Variants in ZZZ3 observed in about 807,000 individuals in gnomAD.
ZZZ3 encodes ZZ-type zinc finger-containing protein 3.
A neutral mutation model predicts 95.2 loss-of-function variants in ZZZ3; 22 were observed. The observed-to-expected ratio is 0.23, with a 90% CI of 0.17 to 0.33. The LOEUF (loss-of-function observed/expected upper bound fraction) is 0.33. Ranked by LOEUF, ZZZ3 falls within the 10% of genes least tolerant of loss-of-function variation. ZZZ3 has a pLI of 1.00. For synonymous variants in ZZZ3, 335 were observed against 358.9 expected (o/e 0.93, Z 0.75); for missense variants, 885 against 1,066.5 (o/e 0.83, Z 2.37).
Position 77,563,454 on chromosome 1 carries a change from TTCTGC to T in ZZZ3, c.*2181_*2185del. The T allele has an allele frequency of 6.6e-6, 1 of 152,310 alleles. No homozygotes were observed. The highest frequency in any genetic ancestry group is 1.5e-5 in the Non-Finnish European group (1 of 68,022). 9.4% of individuals were successfully genotyped at this position (152,310 alleles called of 1,614,324 possible). A position where few individuals can be genotyped will look rare whatever the true frequency, so the allele number is the denominator to read the frequency against. On this transcript the variant is annotated 3_prime_UTR_variant, in exon 15 of 15. Transcript: ENST00000370801. Reference sequence around the variant, plus strand: ...CTGAAAAATGCAAAACAAACACATCTTCTGCTCAAGCCGAAAAATCTTCTTAACTC... The same window carrying T: ...CTGAAAAATGCAAAACAAACACATCTTCAAGCCGAAAAATCTTCTTAACTC...
chr1:77,661,473 T>C (rs540456818), intron 1 of ZZZ3, among the ~76,000 whole-genome samples: 18 of 152,144 alleles, frequency 1.2e-4, no homozygotes, highest in African/African-American at 4.1e-4. Flanking sequence ...AAATTTCCAA[T>C]GCAATGACTA....
chr1:77,646,777 T>C (rs1669313132), intron 1 of ZZZ3, among the ~76,000 whole-genome samples: 1 of 152,192 alleles, frequency 6.6e-6, no homozygotes, highest in Non-Finnish European at 1.5e-5. Context: ...AAGCCTACAA[T>C]TGTCCCCAGT....
chr1:77,682,335 C>G (rs1197411262), intron 1 of ZZZ3, among the ~76,000 whole-genome samples: 3 of 152,220 alleles, frequency 2.0e-5, no homozygotes, highest in Admixed American at 2.0e-4. Flanking sequence ...ATGGAATCAT[C>G]AGGTCTGCGC....
intron 5 of ZZZ3, among the ~76,000 whole-genome samples, chr1:77,621,831 A>G (rs962458214): frequency 6.6e-6 from 1 of 152,094 alleles, no homozygotes; most frequent in Non-Finnish European, 1.5e-5. Context: ...AAATATAAAT[A>G]TAATAACGAT....
chr1:77,616,592 C>T (rs1171944394), intron 5 of ZZZ3, among the ~76,000 whole-genome samples: 2 of 152,150 alleles, frequency 1.3e-5, no homozygotes, highest in African/African-American at 2.4e-5. Flanking sequence ...CAGCCGGGCG[C>T]GGAGGCTCAC....
chr1:77,575,954 C>T lies in ZZZ3; in HGVS notation c.2331+114G>A, dbSNP rs1243504783. The T allele has an allele frequency of 9.6e-6, 8 of 831,654 alleles. No homozygotes were observed. In the African/African-American group the frequency reaches 1.4e-4, roughly 14 times the overall value. 51.5% of individuals were successfully genotyped at this position (831,654 alleles called of 1,614,324 possible). A position where few individuals can be genotyped will look rare whatever the true frequency, so the allele number is the denominator to read the frequency against. On this transcript the variant is annotated intron_variant, in intron 12 of 14. Transcript: ENST00000370801. Reference sequence around the variant, plus strand: ...AAAAGTACATTACTTAAAAACTATACATTTGACTTGTTCATTAAAAGAAAC... The same window carrying T: ...AAAAGTACATTACTTAAAAACTATATATTTGACTTGTTCATTAAAAGAAAC...
At chr1:77,639,108 C>T (rs1668547116) in intron 4 of ZZZ3, among the ~76,000 whole-genome samples, 1 of 152,034 alleles carries the variant, frequency 6.6e-6, no homozygotes, top group Non-Finnish European at 1.5e-5. Flanking sequence ...GATAAGCGGA[C>T]AGTCAGACAG....
chr1:77,674,052 G>C (rs1200174044), intron 1 of ZZZ3, among the ~76,000 whole-genome samples: 1 of 146,860 alleles, frequency 6.8e-6, no homozygotes, highest in Non-Finnish European at 1.5e-5. Flanking sequence ...TAAGCCATCA[G>C]TGACATAAAT....
chr1:77,676,225 G>C (rs1672255478), intron 1 of ZZZ3, among the ~76,000 whole-genome samples: 1 of 152,174 alleles, frequency 6.6e-6, no homozygotes, highest in South Asian at 2.1e-4. Context: ...GGAGTGTAGG[G>C]GCGCAATCTG....
chr1:77,673,233 C>G (rs1342469305), intron 1 of ZZZ3, among the ~76,000 whole-genome samples: 3 of 152,146 alleles, frequency 2.0e-5, no homozygotes, highest in Non-Finnish European at 4.4e-5. Flanking sequence ...AAATCTTTCA[C>G]TATGACTTTC....
At chr1:77,615,931 C>CCA (rs150494323) in intron 5 of ZZZ3, among the ~76,000 whole-genome samples, 48 of 151,170 alleles carry the variant, frequency 3.2e-4, no homozygotes, top group South Asian at 8.4e-4. Flanking sequence ...GGCCCCCCCA[C>CCA]CACACACACA....
At chr1:77,580,960 G>A (rs1413448413) in intron 9 of ZZZ3, 38 bp downstream of exon 9, 1 of 1,559,014 alleles carries the variant, frequency 6.4e-7, no homozygotes, top group Non-Finnish European at 8.8e-7. Flanking sequence ...CTGTTTACTT[G>A]TTTTTTTAAG....
In ZZZ3 at chr1:77,632,432, T is replaced by C; in HGVS notation, c.923A>G (p.Gln308Arg). Reference protein sequence around the residue: ...EPATGPFSETQSSLRDSEEEV... With the variant: ...EPATGPFSETRSSLRDSEEEV... ...CTCCTCAGAATCCCTTAAAGATGAC[T>C]GAGTTTCAGAAAAGGGCCCTGTAGC... The change falls in exon 5 of 15, where the codon CAG (glutamine) becomes CGG (arginine). Residue 308 changes from glutamine to arginine, a missense_variant. Around this residue, in one of 5 missense-constraint regions of ZZZ3, gnomAD observed 556 missense variants for 652.9 expected, o/e 0.85. Coordinates refer to ENST00000370801, the MANE Select transcript of ZZZ3 (RefSeq NM_015534.6). 1 of 1,614,160 alleles carries C rather than the reference T, an allele frequency of 6.2e-7. No individual in the cohort carries two copies. The highest frequency in any genetic ancestry group is 8.5e-7 in the Non-Finnish European group (1 of 1,180,004).
At chr1:77,621,529 A>C (rs1038639715) in intron 5 of ZZZ3, among the ~76,000 whole-genome samples, 5 of 151,050 alleles carry the variant, frequency 3.3e-5, no homozygotes, top group Admixed American at 2.6e-4. Flanking sequence ...AAAAAAAAAA[A>C]AAAAGTCCAG....
intron 5 of ZZZ3, among the ~76,000 whole-genome samples, chr1:77,612,576 C>CATAT (rs554981976): frequency 2.6e-5 from 4 of 152,060 alleles, no homozygotes; most frequent in Admixed American, 1.3e-4. Flanking sequence ...AAATGTGGTA[C>CATAT]ATATATACAC....
intron 1 of ZZZ3, among the ~76,000 whole-genome samples, chr1:77,654,032 C>CA (rs1284409343): frequency 1.3e-5 from 2 of 151,150 alleles, no homozygotes; most frequent in African/African-American, 4.9e-5. Flanking sequence ...ACTAAAAATA[C>CA]AAAAAATTAG....
chr1:77,585,690 A>T (rs1663015987), intron 5 of ZZZ3, among the ~76,000 whole-genome samples: 1 of 152,224 alleles, frequency 6.6e-6, no homozygotes, highest in Non-Finnish European at 1.5e-5. Context: ...GCTAGTATGC[A>T]ACATACTTCC....
At position 77,639,548 on chromosome 1, in the gene ZZZ3, GT is replaced by G; in HGVS notation, c.-152del. On this transcript the variant is annotated 5_prime_UTR_variant, in exon 4 of 15. Coordinates refer to ENST00000370801, the MANE Select transcript of ZZZ3 (RefSeq NM_015534.6). ...TCTAGAATGGAGCTTAAGCATCAGG[GT>G]TTCAGACTCTCTCAGCTTCAGCCAT... is the stretch of plus-strand genomic sequence containing the variant. The G allele has an allele frequency of 8.6e-7, 1 of 1,163,796 alleles. No individual in the cohort carries two copies. Among genetic ancestry groups the G allele is most frequent in the South Asian group, 2.0e-5 (1 of 49,770 alleles). 72.1% of individuals were successfully genotyped at this position (1,163,796 alleles called of 1,614,324 possible).
intron 5 of ZZZ3, among the ~76,000 whole-genome samples, chr1:77,605,842 G>A (rs1315675991): frequency 2.0e-5 from 3 of 152,170 alleles, no homozygotes; most frequent in African/African-American, 7.2e-5. Flanking sequence ...TGACACGCAG[G>A]TAGTACATCA....
Sources: gnomAD v4.1 joint callset for allele counts (sites outside exome capture counted in the v4.1 genomes callset) on GRCh38, gnomAD v4.1.1 for gene constraint, gnomAD v4.1.1 regional missense constraint, MANE v1.5 for transcripts, NCBI Gene and HGNC (gene_info 2026-07-23, HGNC 2026-07-21) for gene names.